The following CFAP57 variants were observed in gnomAD, a reference collection of about 807,000 sequenced individuals.
CFAP57 encodes the protein cilia- and flagella-associated protein 57.
Under a neutral mutation model 146.8 loss-of-function variants are expected in CFAP57, and 116 were observed. That is an observed-to-expected ratio of 0.79 (90% CI 0.68 to 0.92). The LOEUF (loss-of-function observed/expected upper bound fraction) is 0.92, where lower values mean the gene tolerates loss of function less well. Among genes scored for constraint, CFAP57 ranks in the 40% least tolerant of loss-of-function variants. The pLI, the probability that CFAP57 is intolerant of heterozygous loss-of-function variation, is 0.00. For missense variants in CFAP57, 1,377 were observed against 1,527.2 expected (o/e 0.90, Z 1.64); for synonymous variants, 518 against 552.8 (o/e 0.94, Z 0.88).
chr1:43,210,255 C>G, intron 11 of CFAP57: 10 of 1,474,628 alleles, frequency 6.8e-6, no homozygotes, highest in Non-Finnish European at 8.9e-6. Context: ...AGAGAATGCC[C>G]CAGACTGAAA....
chr1:43,226,848 CGAAG>C (rs1233355069), intron 17 of CFAP57, 131 bp from the exon 18 acceptor site: 3 of 1,006,748 alleles, frequency 3.0e-6, no homozygotes, highest in Non-Finnish European at 4.1e-6. Flanking sequence ...TCTGTACTGA[CGAAG>C]GGAGGAGAGG....
chr1:43,218,401 A>C (rs1175412193), intron 12 of CFAP57, among the ~76,000 whole-genome samples: 1 of 152,064 alleles, frequency 6.6e-6, no homozygotes, highest in Non-Finnish European at 1.5e-5. Context: ...AGAGTTCGAG[A>C]CCAGCCTGGG....
intron 21 of CFAP57, among the ~76,000 whole-genome samples, chr1:43,236,408 G>T (rs548866525): frequency 1.3e-4 from 19 of 151,800 alleles, no homozygotes; most frequent in African/African-American, 4.1e-4. Context: ...GCCGACCCTG[G>T]TTTACCCTGC....
At chr1:43,222,407 G>A (rs957445893) in intron 15 of CFAP57, 112 bp downstream of exon 15, 42 of 975,016 alleles carry the variant, frequency 4.3e-5, no homozygotes, top group Admixed American at 1.9e-4. Flanking sequence ...CACTGGGTCA[G>A]ACATGGTTTC....
chr1:43,210,391 C>T (rs1167136312), intron 11 of CFAP57: 22 of 1,236,946 alleles, frequency 1.8e-5, no homozygotes, highest in Middle Eastern at 3.3e-4. Context: ...AAAGTAGTAT[C>T]TATGTTCAAC....
In CFAP57 at chr1:43,219,449, G is replaced by A. The variant is rs1208822970; in HGVS notation, c.2159G>A (p.Arg720Gln). Residue 720 changes from arginine to glutamine, a missense_variant, in exon 13 of 23, where the codon CGA (arginine) becomes CAA (glutamine). Coordinates refer to ENST00000372492, the MANE Select transcript of CFAP57 (RefSeq NM_001378189.1). ...AAAATGGAGAATGAGTATCAACTCC[G>A]ACTAAAGGACATGAACTATTCTGAG... Reference protein sequence around the residue: ...ELKMENEYQLRLKDMNYSEKI... With the variant: ...ELKMENEYQLQLKDMNYSEKI... 5 of 1,550,446 alleles carry A rather than the reference G, an allele frequency of 3.2e-6. No homozygotes were observed. Among genetic ancestry groups the A allele is most frequent in the East Asian group, 2.4e-5 (1 of 40,930 alleles).
At chr1:43,194,355 T>C (rs1174487312) in intron 6 of CFAP57, among the ~76,000 whole-genome samples, 2 of 152,170 alleles carry the variant, frequency 1.3e-5, no homozygotes, top group East Asian at 1.9e-4. Context: ...CATTTTTCTA[T>C]TGATGCTTTC....
Position 43,227,146 on chromosome 1 carries a change from A to G in CFAP57, c.3009+20A>G. 2.7e-6 allele frequency: 4 copies of G among 1,508,128 alleles called. No individual in the cohort carries two copies. Among genetic ancestry groups the G allele is most frequent in the Non-Finnish European group, 3.5e-6 (4 of 1,128,110 alleles). The allele number at this position is 1,508,128 out of a possible 1,614,324, so 93.4% of individuals were successfully genotyped here. A position where few individuals can be genotyped will look rare whatever the true frequency, so the allele number is the denominator to read the frequency against. On this transcript the variant is annotated intron_variant, in intron 18 of 22. Coordinates refer to ENST00000372492, the MANE Select transcript of CFAP57 (RefSeq NM_001378189.1). ...CAGGAGGTAAGAAGCCATTTGCAAC[A>G]CTCTGGCCTCTCAGACCCTCTGTCT... is the stretch of plus-strand genomic sequence containing the variant.
chr1:43,224,314 C>T, intron 17 of CFAP57, 110 bp downstream of exon 17: 1 of 1,271,280 alleles, frequency 7.9e-7, no homozygotes, highest in Non-Finnish European at 1.0e-6. Flanking sequence ...ATTTCTTTAA[C>T]TTGATGGGGG....
rs891892169 is a variant in CFAP57 at position 43,215,188 on chromosome 1, C to T, written c.1930-67C>T. 1.6e-5 allele frequency: 24 copies of T among 1,539,460 alleles called. No individual in the cohort carries two copies. In the African/African-American group the frequency reaches 2.5e-4, roughly 16 times the overall value. On this transcript the variant is annotated intron_variant, in intron 11 of 22. Coordinates refer to ENST00000372492, the MANE Select transcript of CFAP57 (RefSeq NM_001378189.1). ...TTGCATGGGGGGAAGCCTTGCGCAACAGCTGGCTCAGCCCTGGTCATCTGT... is the reference window on the plus strand; with the variant it reads ...TTGCATGGGGGGAAGCCTTGCGCAATAGCTGGCTCAGCCCTGGTCATCTGT...
At chr1:43,180,673 C>G (rs7550920) in intron 2 of CFAP57, among the ~76,000 whole-genome samples, 2,175 of 152,194 alleles carry the variant, frequency 0.014, 51 homozygotes, top group African/African-American at 0.05. Flanking sequence ...TTCTAGGTCA[C>G]TGAGAGCCTT....
intron 9 of CFAP57, among the ~76,000 whole-genome samples, chr1:43,203,916 T>C (rs1275812347): frequency 6.6e-6 from 1 of 152,252 alleles, no homozygotes; most frequent in East Asian, 1.9e-4. Flanking sequence ...GCATTATTTA[T>C]TTGAATATTT....
chr1:43,245,776 A>G (rs575110087), intron 22 of CFAP57, among the ~76,000 whole-genome samples: 7 of 152,358 alleles, frequency 4.6e-5, no homozygotes, highest in African/African-American at 1.7e-4. Context: ...TTGAAATTTC[A>G]GAACACCAGA....
chr1:43,252,483 T>C (rs940746466), intron 22 of CFAP57, among the ~76,000 whole-genome samples: 1 of 151,880 alleles, frequency 6.6e-6, no homozygotes, highest in East Asian at 1.9e-4. Flanking sequence ...CAGAAGCAAA[T>C]GCAAATTTTC....
chr1:43,227,204 A>C lies in CFAP57; in HGVS notation c.3009+78A>C, dbSNP rs1342006097. On this transcript the variant is annotated intron_variant, in intron 18 of 22. Transcript: ENST00000372492. ...CACAATTGGCTAGCTGGCCTCAGGG[A>C]CTGAGGAGAAGCTCTTCTCACAGTC... is the stretch of plus-strand genomic sequence containing the variant. 3 of 1,396,844 alleles carry C rather than the reference A, an allele frequency of 2.1e-6. No homozygotes were observed. The African/African-American group carries it at 4.4e-5, about 21-fold the overall frequency. The allele number at this position is 1,396,844 out of a possible 1,614,324, so 86.5% of individuals were successfully genotyped here.
In CFAP57 at chr1:43,209,919, G is replaced by A. The variant is rs770557440; in HGVS notation, c.1929+3G>A. On this transcript the variant is annotated splice_donor_region_variant and intron_variant, in intron 11 of 22. Coordinates refer to ENST00000372492, the MANE Select transcript of CFAP57 (RefSeq NM_001378189.1). ...CCCATGCCGGTCCTATCACCAAGGT[G>A]AGCAGGGCCCTCTCCCCAGGAACCC... 3.7e-6 allele frequency: 6 copies of A among 1,614,108 alleles called. No homozygotes were observed. The African/African-American group carries it at 6.7e-5, about 18-fold the overall frequency.
chr1:43,196,433 C>T (rs1332345328), intron 6 of CFAP57: 55 of 153,382 alleles, frequency 3.6e-4, no homozygotes, highest in Non-Finnish European at 1.5e-5. Context: ...AGCCATAACA[C>T]CGTGAATGCA....
chr1:43,185,223 A>T lies in CFAP57; in HGVS notation c.836A>T (p.Gln279Leu), dbSNP rs957375075. ...ATGGTGGCGGCCAGTAGCCATAGCC[A>T]GATGTCCATGCCCCAGGTGTTTGCC... ...EQMVAASSHS[Q>L]MSMPQVFAIA... The change falls in exon 5 of 23, where the codon CAG (glutamine) becomes CTG (leucine). Residue 279 changes from glutamine to leucine, a missense_variant. Coordinates refer to ENST00000372492, the MANE Select transcript of CFAP57 (RefSeq NM_001378189.1). The T allele has an allele frequency of 6.2e-7, 1 of 1,614,194 alleles. No homozygotes were observed. The highest frequency in any genetic ancestry group is 1.7e-5 in the Admixed American group (1 of 60,022).
chr1:43,245,408 T>A (rs1050495198), intron 22 of CFAP57, among the ~76,000 whole-genome samples: 1 of 152,062 alleles, frequency 6.6e-6, no homozygotes, highest in Non-Finnish European at 1.5e-5. Flanking sequence ...CCATGTGATA[T>A]AGCCAGGGTC....
Sources: allele counts gnomAD v4.1 joint callset (sites outside exome capture counted in the v4.1 genomes callset), GRCh38; gene constraint gnomAD v4.1.1; transcripts MANE v1.5; gene names NCBI Gene and HGNC (gene_info 2026-07-23, HGNC 2026-07-21).